The following NOTCH3 variants were observed in gnomAD, a reference collection of about 807,000 sequenced individuals.
The protein encoded by NOTCH3 is notch receptor 3, also known as neurogenic locus notch homolog protein 3.
Under a neutral mutation model 213.3 loss-of-function variants are expected in NOTCH3, and 86 were observed. That is an observed-to-expected ratio of 0.40 (90% CI 0.34 to 0.48). The LOEUF (loss-of-function observed/expected upper bound fraction) is 0.48. NOTCH3 is among the 20% of genes least tolerant of loss of function. NOTCH3 has a pLI of 0.57. For missense variants in NOTCH3, 2,783 were observed against 3,272.6 expected (o/e 0.85, Z 3.65); for synonymous variants, 1,354 against 1,355.9 (o/e 1.00, Z 0.03).
chr19:15,179,725 T>C (rs1217274801), intron 20 of NOTCH3: 6 of 594,460 alleles, frequency 1.0e-5, no homozygotes, highest in Non-Finnish European at 1.8e-5. Context: ...CTATGAAAAA[T>C]ACAAAAATTA....
chr19:15,165,142 A>T lies in NOTCH3; in HGVS notation c.5815+226T>A, dbSNP rs532352380. On this transcript the variant is annotated intron_variant, in intron 31 of 32. Transcript: ENST00000263388. This position sits in a 1 kb window ranked among gnomAD's most constrained non-coding sequence, Gnocchi z 4.7. ...GTACAGTGTGTCCGTCTAACAAAGC[A>T]GGTGGAAATGAAGTATCTAGGGGAA... is the stretch of plus-strand genomic sequence containing the variant. Among the ~76,000 whole-genome samples the T allele has an allele frequency of 5.9e-5, 9 of 152,286 alleles. No individual in the cohort carries two copies. The highest frequency in any genetic ancestry group is 3.4e-3 in the Middle Eastern group (1 of 294).
chr19:15,160,365 TGA>T lies in NOTCH3; in HGVS notation c.*295_*296del. 2.5e-6 allele frequency: 1 copy of T among 405,442 alleles called. No individual in the cohort carries two copies. Among genetic ancestry groups the T allele is most frequent in the East Asian group, 4.0e-5 (1 of 25,198 alleles). 25.1% of individuals were successfully genotyped at this position (405,442 alleles called of 1,614,324 possible). A position where few individuals can be genotyped will look rare whatever the true frequency, so the allele number is the denominator to read the frequency against. ...TCATTCATGTCAGAGTGTAAGGAAA[TGA>T]GAGGCCAGAAGGAGAGAGAAAGGAA... On this transcript the variant is annotated 3_prime_UTR_variant, in exon 33 of 33. Coordinates refer to ENST00000263388, the MANE Select transcript of NOTCH3 (RefSeq NM_000435.3).
chr19:15,195,763 C>T (rs2046964909), intron 2 of NOTCH3, among the ~76,000 whole-genome samples: 1 of 151,604 alleles, frequency 6.6e-6, no homozygotes, highest in African/African-American at 2.4e-5. Context: ...TAGCTGGTCC[C>T]ACCGCCAGGC....
At position 15,160,659 on chromosome 19, in the gene NOTCH3, G is replaced by A. The variant is rs202157455; in HGVS notation, c.*3C>T. ...CCCCAAGATCTAAGAACTGACGAGC[G>A]TCTCAGGCCAACACTTGCCTCTTGG... On this transcript the variant is annotated 3_prime_UTR_variant, in exon 33 of 33. Coordinates refer to ENST00000263388, the MANE Select transcript of NOTCH3 (RefSeq NM_000435.3). The A allele has an allele frequency of 3.2e-4, 523 of 1,612,438 alleles. No homozygotes were observed. The highest frequency in any genetic ancestry group is 2.8e-3 in the Middle Eastern group (17 of 6,052).
intron 31 of NOTCH3, among the ~76,000 whole-genome samples, chr19:15,163,507 T>C (rs2046661930): frequency 6.6e-6 from 1 of 152,110 alleles, no homozygotes; most frequent in South Asian, 2.1e-4. Flanking sequence ...CAATAACAAC[T>C]ACAAAACAGA....
chr19:15,186,988 C>T lies in NOTCH3; in HGVS notation c.1841G>A (p.Gly614Asp). The T allele has an allele frequency of 6.2e-7, 1 of 1,614,028 alleles. No individual in the cohort carries two copies. Among genetic ancestry groups the T allele is most frequent in the Non-Finnish European group, 8.5e-7 (1 of 1,179,930 alleles). Reference protein sequence around the residue: ...YLCRCPSGTTGVNCEVNIDDC... With the variant: ...YLCRCPSGTTDVNCEVNIDDC... The stretch of plus-strand genomic sequence containing the variant: ...GTCAATGTTCACTTCGCAGTTCACA[C>T]CTAGGGGCCAGGAACATGGCATGGA... Residue 614 changes from glycine to aspartate, a missense_variant and splice_region_variant, in exon 12 of 33, where the codon GGT becomes GAT. Physicochemically the swap from Gly to Asp is moderately conservative, Grantham distance 94 (BLOSUM62 -1). Coordinates refer to ENST00000263388, the MANE Select transcript of NOTCH3 (RefSeq NM_000435.3).
chr19:15,165,777 C>T lies in NOTCH3; in HGVS notation c.5667+10G>A, dbSNP rs1478174629. 1.2e-6 allele frequency: 2 copies of T among 1,609,922 alleles called. No homozygotes were observed. Among genetic ancestry groups the T allele is most frequent in the Non-Finnish European group, 1.7e-6 (2 of 1,179,920 alleles). On this transcript the variant is annotated intron_variant, in intron 30 of 32. Transcript: ENST00000263388. The surrounding 1 kb of genome is among the most constrained non-coding windows in gnomAD (Gnocchi z 4.7). ...CCAGCTCTGAGGTCCAAAGTGTGTG[C>T]CTATCTCACCTGGAAGACACCCTGG...
chr19:15,197,441 G>GGGCCGCCCCCCCCCCC, intron 2 of NOTCH3, 59 bp downstream of exon 2: 1 of 768,364 alleles, frequency 1.3e-6, no homozygotes. Flanking sequence ...AAGACAAATC[G>GGGCCGCCCCCCCCCCC]CCCCTCCCCC....
In NOTCH3 at chr19:15,165,913, G is replaced by A. The variant is rs1390061538; in HGVS notation, c.5541C>T (p.Ala1847=). 1.9e-6 allele frequency: 3 copies of A among 1,614,142 alleles called. No individual in the cohort carries two copies. Among genetic ancestry groups the A allele is most frequent in the South Asian group, 2.2e-5 (2 of 91,080 alleles). ...RTGETALHLA[A]RYARADAAKR... ...TGGCTGCATCAGCACGGGCATAACGGGCAGCCAGGTGCAAAGCAGTCTCGC... is the reference window on the plus strand; with the variant it reads ...TGGCTGCATCAGCACGGGCATAACGAGCAGCCAGGTGCAAAGCAGTCTCGC... Residue 1847 remains alanine (A), a synonymous_variant, in exon 30 of 33, where the codon GCC becomes GCT. Transcript: ENST00000263388. The surrounding 1 kb of genome is among the most constrained non-coding windows in gnomAD (Gnocchi z 4.7).
At chr19:15,163,659 C>T (rs1215509069) in intron 31 of NOTCH3, among the ~76,000 whole-genome samples, 1 of 152,096 alleles carries the variant, frequency 6.6e-6, no homozygotes, top group Non-Finnish European at 1.5e-5. Flanking sequence ...AGTGAGACCC[C>T]ATTTCCACAA....
chr19:15,172,469 G>A (rs1017997526), intron 25 of NOTCH3, among the ~76,000 whole-genome samples: 3 of 151,604 alleles, frequency 2.0e-5, no homozygotes, highest in South Asian at 2.1e-4. Flanking sequence ...CCAGGGGCTG[G>A]TACACCAACC....
In NOTCH3 at chr19:15,161,045, G is replaced by A. The variant is rs1440457239; in HGVS notation, c.6583C>T (p.Leu2195=). ...GAGACGGGGGTCCCTGGGTTGAGCAGCTGGGGTCCCGGCGCCAGTGGCAGC... is the reference window on the plus strand; with the variant it reads ...GAGACGGGGGTCCCTGGGTTGAGCAACTGGGGTCCCGGCGCCAGTGGCAGC... ...FLLPLAPGPQ[L]LNPGTPVSPQ... is the part of the protein sequence containing the mutation. Residue 2195 remains leucine, a synonymous_variant, in exon 33 of 33, where the codon CTG becomes TTG. Transcript: ENST00000263388. The A allele has an allele frequency of 1.3e-6, 2 of 1,539,972 alleles. No individual in the cohort carries two copies. The highest frequency in any genetic ancestry group is 1.2e-5 in the South Asian group (1 of 83,550).
intron 24 of NOTCH3, among the ~76,000 whole-genome samples, chr19:15,174,648 A>G (rs951754730): frequency 2.0e-5 from 3 of 150,358 alleles, no homozygotes; most frequent in African/African-American, 7.4e-5. Context: ...CTCTCAGCTC[A>G]CTGCAGCCTC....
At chr19:15,176,683 A>G (rs2046792236) in intron 24 of NOTCH3, among the ~76,000 whole-genome samples, 1 of 146,192 alleles carries the variant, frequency 6.8e-6, no homozygotes, top group African/African-American at 2.5e-5. Context: ...GGGTTACTTG[A>G]GCCCAGGAGG....
intron 8 of NOTCH3, 111 bp from the exon 9 acceptor site, chr19:15,188,459 G>T: frequency 1.3e-6 from 1 of 752,202 alleles, no homozygotes. Flanking sequence ...CCGAGCCTTC[G>T]TCCCCACCTC....
In NOTCH3 at chr19:15,170,314, G is replaced by A. The variant is rs2145399778; in HGVS notation, c.5114+17C>T. 1 of 1,607,866 alleles carries A rather than the reference G, an allele frequency of 6.2e-7. No homozygotes were observed. Among genetic ancestry groups the A allele is most frequent in the East Asian group, 2.2e-5 (1 of 44,864 alleles). ...AGGTCCCCGTAGTCAGGGACAGGGA[G>A]CGAGCAGGGTTCTCACTTCATGCCC... On this transcript the variant is annotated intron_variant, in intron 27 of 32. Transcript: ENST00000263388.
chr19:15,177,419 C>T (rs2046800391), intron 24 of NOTCH3, 106 bp downstream of exon 24: 1 of 1,042,256 alleles, frequency 9.6e-7, no homozygotes, highest in Non-Finnish European at 1.5e-6. Context: ...CACAGAGAAA[C>T]AGACGGGGCA....
intron 1 of NOTCH3, among the ~76,000 whole-genome samples, chr19:15,199,728 G>A (rs985674174): frequency 1.3e-5 from 2 of 152,194 alleles, no homozygotes; most frequent in Non-Finnish European, 2.9e-5. Context: ...TCCGGCGGAG[G>A]CGGCGGCTCC....
intron 2 of NOTCH3, among the ~76,000 whole-genome samples, chr19:15,195,767 G>T (rs1250312323): frequency 6.6e-6 from 1 of 151,524 alleles, no homozygotes; most frequent in African/African-American, 2.4e-5. Flanking sequence ...TGGTCCCACC[G>T]CCAGGCAGGG....
Sources: gnomAD v4.1 joint callset for allele counts (sites outside exome capture counted in the v4.1 genomes callset) on GRCh38, gnomAD v4.1.1 for gene constraint, Gnocchi (gnomAD v3.1) non-coding constraint, MANE v1.5 for transcripts, NCBI Gene and HGNC (gene_info 2026-07-23, HGNC 2026-07-21) for gene names.